Variants in PRPF8 observed in about 807,000 individuals in gnomAD.
PRPF8 encodes pre-mRNA-processing-splicing factor 8.
A neutral mutation model predicts 285.9 loss-of-function variants in PRPF8; 64 were observed. The observed-to-expected ratio is 0.22, with a 90% confidence interval of 0.18 to 0.28. PRPF8 has a LOEUF of 0.28. Among genes scored for constraint, PRPF8 ranks in the 10% least tolerant of loss-of-function variants. The probability of loss-of-function intolerance (pLI) is 1.00; values close to 1 mark genes in which losing one functional copy is unlikely to be tolerated. For missense variants in PRPF8, 1,426 were observed against 3,026.7 expected (o/e 0.47, Z 12.41); for synonymous variants, 1,325 against 1,118.2 (o/e 1.18, Z -3.69).
chr17:1,668,755 T>G lies in PRPF8; in HGVS notation c.3774+4326A>C, dbSNP rs906518906. Among the ~76,000 whole-genome samples, 14 of 152,122 alleles carry G rather than the reference T, an allele frequency of 9.2e-5. 1 individual carries two copies. Among genetic ancestry groups the G allele is most frequent in the Admixed American group, 7.2e-4 (11 of 15,270 alleles). ...CTATTCCTTAATCACCAGTGTAATC[T>G]ATCCACCTTCTGCATCCCTGTCACT... is the stretch of plus-strand genomic sequence containing the variant. On this transcript the variant is annotated intron_variant, in intron 24 of 42. Coordinates refer to ENST00000304992, the MANE Select transcript of PRPF8 (RefSeq NM_006445.4).
Position 1,673,666 on chromosome 17 carries a change from C to T in PRPF8, c.3446+80G>A. ...CTGACACAGCCACGCCTCTCCCACC[C>T]AGGACGCAGCCTCAGGTATGCCCTC... On this transcript the variant is annotated intron_variant, in intron 22 of 42. Transcript: ENST00000304992. The surrounding 1 kb of genome is among the most constrained non-coding windows in gnomAD (Gnocchi z 5.5). 6.2e-7 allele frequency: 1 copy of T among 1,611,882 alleles called. No individual in the cohort carries two copies. Among genetic ancestry groups the T allele is most frequent in the Non-Finnish European group, 8.5e-7 (1 of 1,179,098 alleles).
chr17:1,663,644 G>A (rs1911794746), intron 24 of PRPF8, among the ~76,000 whole-genome samples: 1 of 146,266 alleles, frequency 6.8e-6, no homozygotes, highest in Non-Finnish European at 1.5e-5. Flanking sequence ...GGGAGGCAGA[G>A]GTTGCACTGA....
At chr17:1,681,752 G>C (rs975890366) in intron 5 of PRPF8, 62 bp from the exon 6 acceptor site, 2 of 1,608,676 alleles carry the variant, frequency 1.2e-6, no homozygotes, top group Non-Finnish European at 1.7e-6. Context: ...ACCACCTACT[G>C]ATCTCCCAGG....
chr17:1,680,304 G>C, intron 8 of PRPF8, among the ~76,000 whole-genome samples: 1 of 152,154 alleles, frequency 6.6e-6, no homozygotes, highest in Non-Finnish European at 1.5e-5. Context: ...AACTGCTAAG[G>C]GTTTCTTTCT....
chr17:1,684,715 C>T (rs1006412470), intron 1 of PRPF8, 65 bp downstream of exon 1: 4 of 835,038 alleles, frequency 4.8e-6, no homozygotes, highest in Non-Finnish European at 7.8e-6. Flanking sequence ...GGCCTAACCC[C>T]TTCGGTCACT....
In PRPF8 at chr17:1,658,599, T is replaced by G. The variant is rs1317006257; in HGVS notation, c.5303A>C (p.Tyr1768Ser). Reference protein sequence around the residue: ...PTEPYLSSQNYGELFSNQIIW... With the variant: ...PTEPYLSSQNSGELFSNQIIW... ...AATCTGGTTGGAGAAGAGCTCACCA[T>G]AGTTCTGAGAAGACAAATAAGGCTC... Residue 1768 changes from tyrosine (Y) to serine (S), a missense_variant, in exon 33 of 43, where the codon TAT becomes TCT. Physicochemically the swap from Tyr to Ser is moderately radical, Grantham distance 144 (BLOSUM62 -2). Around this residue, in one of 34 missense-constraint regions of PRPF8, gnomAD observed 19 missense variants for 92.8 expected, o/e 0.20. Transcript: ENST00000304992. This position sits in a 1 kb window ranked among gnomAD's most constrained non-coding sequence, Gnocchi z 4.1. The G allele has an allele frequency of 6.2e-7, 1 of 1,614,078 alleles. No individual in the cohort carries two copies. The highest frequency in any genetic ancestry group is 8.5e-7 in the Non-Finnish European group (1 of 1,180,016).
Position 1,660,838 on chromosome 17 carries a change from A to G in PRPF8, c.4509-11T>C. The G allele has an allele frequency of 3.1e-6, 5 of 1,613,820 alleles. No homozygotes were observed. The highest frequency in any genetic ancestry group is 4.2e-6 in the Non-Finnish European group (5 of 1,180,038). On this transcript the variant is annotated splice_polypyrimidine_tract_variant and intron_variant, in intron 28 of 42. Transcript: ENST00000304992. ...CCACTGGCCTTCTCCCTGGGGAGCAAGAGAAGCAGGTGAGGTGATATCCTG... is the reference window on the plus strand; with the variant it reads ...CCACTGGCCTTCTCCCTGGGGAGCAGGAGAAGCAGGTGAGGTGATATCCTG...
At chr17:1,682,485 T>C (rs1273856035) in intron 3 of PRPF8, among the ~76,000 whole-genome samples, 192 bp from the exon 4 acceptor site, 2 of 152,150 alleles carry the variant, frequency 1.3e-5, no homozygotes, top group African/African-American at 2.4e-5. Context: ...CCACTCTTCT[T>C]AAACGTCATA....
rs1912875900 is a variant in PRPF8, at chr17:1,680,836, A to G, written c.993-5T>C. ...ACAACATTGGGAGTATGGTACCTAAAATGAAAGGAAGAGTCAGCCAAAGTT... is the reference window on the plus strand; with the variant it reads ...ACAACATTGGGAGTATGGTACCTAAGATGAAAGGAAGAGTCAGCCAAAGTT... On this transcript the variant is annotated splice_polypyrimidine_tract_variant and splice_region_variant and intron_variant, in intron 7 of 42. Transcript: ENST00000304992. The G allele has an allele frequency of 6.2e-7, 1 of 1,614,056 alleles. No homozygotes were observed. Among genetic ancestry groups the G allele is most frequent in the Non-Finnish European group, 8.5e-7 (1 of 1,179,944 alleles).
chr17:1,679,589 G>A lies in PRPF8; in HGVS notation c.1289+20C>T. 1 of 1,612,458 alleles carries A rather than the reference G, an allele frequency of 6.2e-7. No homozygotes were observed. Among genetic ancestry groups the A allele is most frequent in the Non-Finnish European group, 8.5e-7 (1 of 1,179,776 alleles). On this transcript the variant is annotated intron_variant, in intron 9 of 42. Transcript: ENST00000304992. This position sits in a 1 kb window ranked among gnomAD's most constrained non-coding sequence, Gnocchi z 4.7. The stretch of plus-strand genomic sequence containing the variant: ...CTACACATCCACTATCATTCCCCCT[G>A]CCACAGGGAAAAACCTTACCAGTTC...
At chr17:1,678,312 T>C in intron 13 of PRPF8, 1 of 602,590 alleles carries the variant, frequency 1.7e-6, no homozygotes, top group Non-Finnish European at 2.9e-6. Context: ...AAGACTCAGT[T>C]TCAAAACAAA....
intron 34 of PRPF8, among the ~76,000 whole-genome samples, chr17:1,657,658 A>G (rs1328863059): frequency 6.6e-6 from 1 of 150,536 alleles, no homozygotes; most frequent in Non-Finnish European, 1.5e-5. Context: ...AAAAAAAAAA[A>G]AAAAAAGAGA....
chr17:1,684,541 C>A lies in PRPF8; in HGVS notation c.31G>T (p.Gly11Cys). 6.2e-7 allele frequency: 1 copy of A among 1,612,608 alleles called. No individual in the cohort carries two copies. The highest frequency in any genetic ancestry group is 8.5e-7 in the Non-Finnish European group (1 of 1,179,870). Residue 11 changes from glycine to cysteine, a missense_variant, in exon 2 of 43, where the codon GGT becomes TGT. Gly to Cys is a radical substitution (Grantham distance 159). Transcript: ENST00000304992. ...GCTAGAGGGCCAGGCACCGGGTTAC[C>A]CGGCCCTCGATAAGGAAACACTCCG... MAGVFPYRGP[G>C]NPVPGPLAPL...
Position 1,650,915 on chromosome 17 carries a change from C to T in PRPF8, c.6895G>A (p.Ala2299Thr). ...DPNMKYELQL[A>T]NPKEFYHEVH... Reference sequence around the variant, plus strand: ...TCGTGGTAGAACTCTTTGGGGTTCGCCAGCTGTAGCTCATATTTCATGTTG... The same window carrying T: ...TCGTGGTAGAACTCTTTGGGGTTCGTCAGCTGTAGCTCATATTTCATGTTG... The change falls in exon 43 of 43, where the codon GCG (alanine) becomes ACG (threonine). Residue 2299 changes from alanine to threonine, a missense_variant. By Grantham distance (58) the Ala-to-Thr change is moderately conservative. Transcript: ENST00000304992. The T allele has an allele frequency of 6.2e-7, 1 of 1,614,178 alleles. No homozygotes were observed.
At position 1,679,825 on chromosome 17, in the gene PRPF8, T is replaced by C. The variant is rs566295929; in HGVS notation, c.1099-26A>G. ...CTGAAAAAGGAATCCCTCTAAGGGT[T>C]TAGCTCCTGCTGAACTAGGCACAGA... On this transcript the variant is annotated intron_variant, in intron 8 of 42. Transcript: ENST00000304992. The surrounding 1 kb of genome is among the most constrained non-coding windows in gnomAD (Gnocchi z 4.7). The C allele has an allele frequency of 6.2e-7, 1 of 1,613,590 alleles. No homozygotes were observed. Among genetic ancestry groups the C allele is most frequent in the Non-Finnish European group, 8.5e-7 (1 of 1,179,482 alleles).
In PRPF8 at chr17:1,679,213, T is replaced by G; in HGVS notation, c.1410-7A>C. On this transcript the variant is annotated splice_region_variant and splice_polypyrimidine_tract_variant and intron_variant, in intron 10 of 42. Coordinates refer to ENST00000304992, the MANE Select transcript of PRPF8 (RefSeq NM_006445.4). The surrounding 1 kb of genome is among the most constrained non-coding windows in gnomAD (Gnocchi z 4.7). ...GAAGGAGCGGAACAAATACCTGAGGTGGGAACATGGAGAGTAAGAGTCAGC... is the reference window on the plus strand; with the variant it reads ...GAAGGAGCGGAACAAATACCTGAGGGGGGAACATGGAGAGTAAGAGTCAGC... 6.2e-7 allele frequency: 1 copy of G among 1,614,130 alleles called. No individual in the cohort carries two copies. Among genetic ancestry groups the G allele is most frequent in the Non-Finnish European group, 8.5e-7 (1 of 1,180,022 alleles).
chr17:1,667,098 G>A (rs1258385931), intron 24 of PRPF8, among the ~76,000 whole-genome samples: 4 of 152,116 alleles, frequency 2.6e-5, no homozygotes, highest in African/African-American at 7.2e-5. Context: ...ACTTAAACCC[G>A]GGAGGCGGGG....
At chr17:1,677,925 A>T (rs1434792816) in intron 13 of PRPF8, among the ~76,000 whole-genome samples, 1 of 152,206 alleles carries the variant, frequency 6.6e-6, no homozygotes. Flanking sequence ...ATGTGAATTT[A>T]AAGGAGCAGT....
chr17:1,666,829 C>G (rs946636422), intron 24 of PRPF8, among the ~76,000 whole-genome samples: 1 of 152,062 alleles, frequency 6.6e-6, no homozygotes, highest in African/African-American at 2.4e-5. Context: ...ACTATGAAAG[C>G]TAGACTGAGC....
Sources: gnomAD v4.1 joint callset for allele counts (sites outside exome capture counted in the v4.1 genomes callset) on GRCh38, gnomAD v4.1.1 for gene constraint, gnomAD v4.1.1 regional missense constraint, Gnocchi (gnomAD v3.1) non-coding constraint, MANE v1.5 for transcripts, NCBI Gene and HGNC (gene_info 2026-07-23, HGNC 2026-07-21) for gene names.